Variants in CTNND2 observed in about 807,000 individuals in gnomAD.
The protein encoded by CTNND2 is catenin delta 2, also known as catenin delta-2.
A neutral mutation model predicts 144.4 loss-of-function variants in CTNND2; 22 were observed. The ratio of observed to expected loss-of-function variants is 0.15; its 90% CI spans 0.11 to 0.22. The LOEUF (loss-of-function observed/expected upper bound fraction) is 0.22, where lower values mean the gene tolerates loss of function less well. Among genes scored for constraint, CTNND2 ranks in the 10% least tolerant of loss-of-function variants. The probability of loss-of-function intolerance (pLI) is 1.00; values close to 1 mark genes in which losing one functional copy is unlikely to be tolerated. For missense variants in CTNND2, 1,353 were observed against 1,618.8 expected (o/e 0.84, Z 2.82); for synonymous variants, 751 against 695.6 (o/e 1.08, Z -1.25).
At chr5:11,826,131 G>A (rs183667295) in intron 1 of CTNND2, among the ~76,000 whole-genome samples, 88 of 151,954 alleles carry the variant, frequency 5.8e-4, no homozygotes, top group African/African-American at 1.8e-3. Flanking sequence ...AAAACATAAC[G>A]TTGACATAAG....
intron 1 of CTNND2, among the ~76,000 whole-genome samples, chr5:11,884,950 T>C (rs577651850): frequency 6.6e-6 from 1 of 152,214 alleles, no homozygotes; most frequent in Non-Finnish European, 1.5e-5. Context: ...GTTGATGTGA[T>C]GTACCATAAT....
chr5:11,213,954 T>C (rs1201463584), intron 10 of CTNND2, among the ~76,000 whole-genome samples: 1 of 152,202 alleles, frequency 6.6e-6, no homozygotes, highest in East Asian at 1.9e-4. Context: ...ATGGGATTCA[T>C]TCAGTTCTTT....
At chr5:11,227,922 T>G (rs1740535958) in intron 10 of CTNND2, among the ~76,000 whole-genome samples, 1 of 152,200 alleles carries the variant, frequency 6.6e-6, no homozygotes, top group Non-Finnish European at 1.5e-5. Context: ...ACTTCTAATT[T>G]AAGACTTAGC....
intron 9 of CTNND2, among the ~76,000 whole-genome samples, chr5:11,262,591 T>C (rs1336242143): frequency 1.3e-5 from 2 of 150,974 alleles, no homozygotes; most frequent in East Asian, 3.9e-4. Context: ...TGAAACCCCG[T>C]CTCTACTAAA....
intron 3 of CTNND2, among the ~76,000 whole-genome samples, chr5:11,530,862 G>T (rs1418633807): frequency 6.6e-6 from 1 of 152,156 alleles, no homozygotes; most frequent in Non-Finnish European, 1.5e-5. Flanking sequence ...CTTGACTGGG[G>T]TTTTTTAACT....
intron 10 of CTNND2, among the ~76,000 whole-genome samples, chr5:11,213,521 T>G (rs1738858224): frequency 6.6e-6 from 1 of 152,206 alleles, no homozygotes; most frequent in South Asian, 2.1e-4. Context: ...TATTATTCAC[T>G]CTTCATTTTG....
chr5:11,216,046 G>A (rs1209545487), intron 10 of CTNND2, among the ~76,000 whole-genome samples: 2 of 152,156 alleles, frequency 1.3e-5, no homozygotes, highest in East Asian at 1.9e-4. Context: ...ACTAGTCAAA[G>A]GAATAATGCT....
intron 9 of CTNND2, among the ~76,000 whole-genome samples, chr5:11,327,782 G>A (rs187803832): frequency 1.3e-5 from 2 of 152,218 alleles, no homozygotes; most frequent in Admixed American, 1.3e-4. Context: ...AATCACCCAG[G>A]GATCTTGATA....
chr5:11,069,773 C>T (rs186170883), intron 16 of CTNND2, among the ~76,000 whole-genome samples: 8 of 152,150 alleles, frequency 5.3e-5, no homozygotes, highest in East Asian at 1.9e-4. Context: ...CAATAGTATA[C>T]GGAGTATAGA....
chr5:11,153,026 G>A (rs1417577824), intron 12 of CTNND2, among the ~76,000 whole-genome samples: 1 of 152,178 alleles, frequency 6.6e-6, no homozygotes, highest in Non-Finnish European at 1.5e-5. Context: ...CACTTTGGGA[G>A]GTTGAGGCGG....
intron 15 of CTNND2, among the ~76,000 whole-genome samples, chr5:11,088,039 A>G (rs929318372): frequency 2.6e-5 from 4 of 152,268 alleles, no homozygotes; most frequent in African/African-American, 9.6e-5. Context: ...TTCAATTAAA[A>G]AATTTCTTTA....
chr5:11,325,611 A>G (rs1330419535), intron 9 of CTNND2, among the ~76,000 whole-genome samples: 1 of 151,940 alleles, frequency 6.6e-6, no homozygotes. Flanking sequence ...ATAAAATTCT[A>G]AGCCCTCCAA....
At chr5:11,443,466 T>C (rs1300651402) in intron 3 of CTNND2, among the ~76,000 whole-genome samples, 1 of 151,188 alleles carries the variant, frequency 6.6e-6, no homozygotes, top group Non-Finnish European at 1.5e-5. Context: ...GCGGTGTGTG[T>C]GTGTGCATAC....
At chr5:11,133,814 A>G (rs1339654104) in intron 12 of CTNND2, among the ~76,000 whole-genome samples, 2 of 152,194 alleles carry the variant, frequency 1.3e-5, no homozygotes, top group South Asian at 2.1e-4. Context: ...CAGCTCGAAG[A>G]TTCTGCATTT....
chr5:11,068,146 T>C (rs1349604955), intron 16 of CTNND2, among the ~76,000 whole-genome samples: 1 of 152,216 alleles, frequency 6.6e-6, no homozygotes, highest in Non-Finnish European at 1.5e-5. Context: ...AATTATAAAA[T>C]ATTTCCAAAT....
Position 11,774,557 on chromosome 5 carries a change from A to C in CTNND2, c.38-42285T>G, listed in dbSNP as rs1006796867. 2.2e-4 allele frequency among the ~76,000 whole-genome samples: 33 copies of C among 147,310 alleles called. 2 individuals carry two copies. The highest frequency in any genetic ancestry group is 8.1e-4 in the African/African-American group (33 of 40,610). ...CTAAAACTTAAAGTATAATAAAAAAAAATTAAAAAAAAAAACAATGATGGC... is the reference window on the plus strand; with the variant it reads ...CTAAAACTTAAAGTATAATAAAAAACAATTAAAAAAAAAAACAATGATGGC... On this transcript the variant is annotated intron_variant, in intron 1 of 21. Transcript: ENST00000304623.
chr5:11,443,238 GTGTGTGTGTGTGTGC>G, intron 3 of CTNND2, among the ~76,000 whole-genome samples: 1 of 64,428 alleles, frequency 1.6e-5, no homozygotes. Flanking sequence ...TGTGTGTGAT[GTGTGTGTGTGTGTGC>G]TGTGTGTGGT....
intron 11 of CTNND2, among the ~76,000 whole-genome samples, chr5:11,165,128 A>G (rs1191367502): frequency 6.6e-6 from 1 of 152,260 alleles, no homozygotes. Flanking sequence ...CAGCTGCAAG[A>G]TGTAATTTCA....
intron 6 of CTNND2, among the ~76,000 whole-genome samples, chr5:11,387,642 G>A (rs796488369): frequency 1.3e-5 from 2 of 152,258 alleles, no homozygotes; most frequent in African/African-American, 4.8e-5. Context: ...GGAACAAAAT[G>A]AGAAGAAAGA....
Sources: gnomAD v4.1 joint callset for allele counts (sites outside exome capture counted in the v4.1 genomes callset) on GRCh38, gnomAD v4.1.1 for gene constraint, MANE v1.5 for transcripts, NCBI Gene and HGNC (gene_info 2026-07-23, HGNC 2026-07-21) for gene names.